Variants in MROH1 observed in about 807,000 individuals in gnomAD.
The protein encoded by MROH1 is maestro heat like repeat family member 1, also known as maestro heat-like repeat-containing protein family member 1.
A neutral mutation model predicts 116.5 loss-of-function variants in MROH1; 117 were observed. The observed-to-expected ratio is 1.00, with a 90% CI of 0.86 to 1.17. MROH1 has a LOEUF of 1.17. Among genes scored for constraint, MROH1 ranks in the 50% most tolerant of loss-of-function variants. The probability of loss-of-function intolerance (pLI) is 0.00; values close to 1 mark genes in which losing one functional copy is unlikely to be tolerated. For synonymous variants in MROH1, 921 were observed against 583.9 expected, an observed-to-expected ratio of 1.58 and a Z score of -8.32; for missense variants, 1,873 against 1,338.5, an observed-to-expected ratio of 1.40 and a Z score of -6.23.
At chr8:144,159,472 A>G (rs1314934372) in intron 1 of MROH1, among the ~76,000 whole-genome samples, 1 of 152,216 alleles carries the variant, frequency 6.6e-6, no homozygotes, top group African/African-American at 2.4e-5. Context: ...CTCTGTTACC[A>G]GGTAAAAATG....
rs773464725 is a variant in MROH1, at chr8:144,223,137, C to T, written c.1245C>T (p.Ser415=). 9.9e-6 allele frequency: 16 copies of T among 1,613,018 alleles called. No individual in the cohort carries two copies. The East Asian group carries it at 1.6e-4, about 16-fold the overall frequency. Residue 415 remains serine, a synonymous_variant, in exon 14 of 44, where the codon AGC becomes AGT. Transcript: ENST00000326134. The part of the protein sequence containing the change: ...KVKRAVVQVI[S]AMAHHGYLEQ... ...AGCGGGCAGTGGTGCAGGTGATTAG[C>T]GCCATGGCCCACCACGGCTACCTGG...
intron 34 of MROH1, 102 bp downstream of exon 34, chr8:144,255,080 A>C: frequency 1.6e-6 from 1 of 639,700 alleles, no homozygotes; most frequent in East Asian, 2.7e-5. Flanking sequence ...ACGCCACCCC[A>C]CAGGCACCTG....
At chr8:144,206,903 C>CA (rs1832946652) in intron 12 of MROH1, among the ~76,000 whole-genome samples, 1 of 151,294 alleles carries the variant, frequency 6.6e-6, no homozygotes, top group African/African-American at 2.4e-5. Context: ...TGTGGTGGCA[C>CA]ACGCCTGTAG....
chr8:144,217,389 G>A (rs900284362), intron 12 of MROH1, among the ~76,000 whole-genome samples: 1 of 152,148 alleles, frequency 6.6e-6, no homozygotes, highest in Non-Finnish European at 1.5e-5. Context: ...TTTGGACTTG[G>A]ATTCCGTTTC....
intron 4 of MROH1, among the ~76,000 whole-genome samples, chr8:144,175,309 C>T (rs553542806): frequency 1.8e-4 from 26 of 148,310 alleles, no homozygotes; most frequent in African/African-American, 6.3e-4. Flanking sequence ...CGGGTCCAGT[C>T]GGATGGGTAT....
At chr8:144,235,817 C>G (rs1236117158) in intron 14 of MROH1, among the ~76,000 whole-genome samples, 1 of 152,186 alleles carries the variant, frequency 6.6e-6, no homozygotes, top group Non-Finnish European at 1.5e-5. Flanking sequence ...TATTTGTAAT[C>G]TGTACACACA....
chr8:144,172,913 T>G (rs1248221816), intron 4 of MROH1, among the ~76,000 whole-genome samples: 1 of 152,134 alleles, frequency 6.6e-6, no homozygotes, highest in Non-Finnish European at 1.5e-5. Context: ...TTCTCAGATG[T>G]TCCCTGGGCC....
intron 7 of MROH1, among the ~76,000 whole-genome samples, chr8:144,190,354 C>T (rs1828243225): frequency 6.6e-6 from 1 of 152,144 alleles, no homozygotes; most frequent in Non-Finnish European, 1.5e-5. Flanking sequence ...ATGGTGAAAC[C>T]CTGTCTCTTC....
At chr8:144,168,267 G>A (rs1181932436) in intron 3 of MROH1, 28 bp from the exon 4 acceptor site, 1 of 1,563,722 alleles carries the variant, frequency 6.4e-7, no homozygotes, top group Non-Finnish European at 8.6e-7. Flanking sequence ...TTGGGCCTGA[G>A]CATGCTAACC....
At chr8:144,208,198 C>T (rs1206006175) in intron 12 of MROH1, among the ~76,000 whole-genome samples, 2 of 152,180 alleles carry the variant, frequency 1.3e-5, no homozygotes, top group African/African-American at 4.8e-5. Context: ...CCCGCCTCGG[C>T]CTCCCAAAAT....
At chr8:144,194,843 G>A (rs1187717344) in intron 10 of MROH1, among the ~76,000 whole-genome samples, 2 of 152,040 alleles carry the variant, frequency 1.3e-5, no homozygotes, top group Non-Finnish European at 2.9e-5. Flanking sequence ...AGGAAGTTGA[G>A]GCTGCAGTGA....
intron 35 of MROH1, among the ~76,000 whole-genome samples, chr8:144,257,202 A>G (rs1844032715): frequency 6.6e-6 from 1 of 152,224 alleles, no homozygotes. Context: ...CTCAAAGATC[A>G]GGCCCCAACA....
chr8:144,242,442 C>A lies in MROH1; in HGVS notation c.2252C>A (p.Ala751Asp), dbSNP rs1165127643. 1.3e-6 allele frequency: 1 copy of A among 780,518 alleles called. No homozygotes were observed. The highest frequency in any genetic ancestry group is 2.4e-6 in the Non-Finnish European group (1 of 417,830). The allele number at this position is 780,518 out of a possible 1,614,324, so 48.3% of individuals were successfully genotyped here. A position where few individuals can be genotyped will look rare whatever the true frequency, so the allele number is the denominator to read the frequency against. The change falls in exon 23 of 44, where the codon GCC becomes GAC. Residue 751 changes from alanine to aspartate, a missense_variant. By Grantham distance (126) the Ala-to-Asp change is moderately radical. Transcript: ENST00000326134. The stretch of plus-strand genomic sequence containing the variant: ...TGCTATGGGCACGTGGCGGCCCGGG[C>A]CCCCCGGGAGCTGGTGCTGGCCAAG... ...ILCYGHVAAR[A>D]PRELVLAKVE...
chr8:144,230,409 T>C (rs1588360201), intron 14 of MROH1, among the ~76,000 whole-genome samples: 2 of 152,188 alleles, frequency 1.3e-5, no homozygotes, highest in East Asian at 3.8e-4. Flanking sequence ...TTTTCCTTTG[T>C]ATTCACAACA....
At chr8:144,242,163 G>T in intron 22 of MROH1, 1 of 648,548 alleles carries the variant, frequency 1.5e-6, no homozygotes, top group South Asian at 1.7e-5. Flanking sequence ...ATGCCTGGCT[G>T]GCTGCCTGTG....
chr8:144,247,609 T>C lies in MROH1; in HGVS notation c.3050T>C (p.Leu1017Pro). 1.3e-6 allele frequency: 1 copy of C among 771,946 alleles called. No individual in the cohort carries two copies. The allele number at this position is 771,946 out of a possible 1,614,324, so 47.8% of individuals were successfully genotyped here. A position where few individuals can be genotyped will look rare whatever the true frequency, so the allele number is the denominator to read the frequency against. The change falls in exon 31 of 44, where the codon CTC (leucine) becomes CCC (proline). Residue 1017 changes from leucine to proline, a missense_variant. By Grantham distance (98) the Leu-to-Pro change is moderately conservative. Transcript: ENST00000326134. The part of the protein sequence containing the change: ...DYRDDVAERL[L>P]SLKDGLVHPD... ...CGCGATGACGTGGCGGAGCGGCTCCTCAGCCTCAAGGACGGCCTCGTGCAC... is the reference window on the plus strand; with the variant it reads ...CGCGATGACGTGGCGGAGCGGCTCCCCAGCCTCAAGGACGGCCTCGTGCAC...
chr8:144,177,513 A>C (rs1284362742), intron 4 of MROH1, among the ~76,000 whole-genome samples: 1 of 152,196 alleles, frequency 6.6e-6, no homozygotes, highest in Non-Finnish European at 1.5e-5. Flanking sequence ...CTGAGCCGGT[A>C]GCACTTCTCC....
intron 4 of MROH1, among the ~76,000 whole-genome samples, chr8:144,178,189 A>AG (rs60202571): frequency 0.86 from 129,667 of 150,658 alleles, 57,852 homozygotes; most frequent in East Asian, 1. Flanking sequence ...GCTGGAGTGC[A>AG]GTGGCGCGAT....
At chr8:144,223,477 G>A (rs1465269243) in intron 14 of MROH1, among the ~76,000 whole-genome samples, 1 of 152,098 alleles carries the variant, frequency 6.6e-6, no homozygotes, top group East Asian at 1.9e-4. Context: ...CTGGGATCAG[G>A]AGACCCTCCC....
Sources: allele counts gnomAD v4.1 joint callset (sites outside exome capture counted in the v4.1 genomes callset), GRCh38; gene constraint gnomAD v4.1.1; transcripts MANE v1.5; gene names NCBI Gene and HGNC (gene_info 2026-07-23, HGNC 2026-07-21).